MCMDC2: variants seen among roughly 807,000 people sequenced by gnomAD.
MCMDC2 encodes the protein minichromosome maintenance domain containing 2, also known as minichromosome maintenance domain-containing protein 2.
A neutral mutation model predicts 75.8 loss-of-function variants in MCMDC2; 54 were observed. The ratio of observed to expected loss-of-function variants is 0.71; its 90% confidence interval spans 0.57 to 0.89. The LOEUF (loss-of-function observed/expected upper bound fraction) is 0.89, where lower values mean the gene tolerates loss of function less well. Ranked by LOEUF, MCMDC2 falls within the 40% of genes least tolerant of loss-of-function variation. MCMDC2 has a pLI of 0.00. For missense variants in MCMDC2, 656 were observed against 780.4 expected, an observed-to-expected ratio of 0.84 and a Z score of 1.90; for synonymous variants, 249 against 274.6, an observed-to-expected ratio of 0.91 and a Z score of 0.92.
At position 66,920,909 on chromosome 8, in the gene MCMDC2, T is replaced by G. The variant is rs1194305823; in HGVS notation, c.*1740T>G. ...GCTGGTCTCAAGTCATCCTCCCATC[T>G]CAGTACCTCAGCTTCCCAGTGTTGG... On this transcript the variant is annotated 3_prime_UTR_variant, in exon 15 of 15. Coordinates refer to ENST00000422365, the MANE Select transcript of MCMDC2 (RefSeq NM_173518.5). 1 of 152,122 alleles carries G rather than the reference T, an allele frequency of 6.6e-6. No homozygotes were observed. Among genetic ancestry groups the G allele is most frequent in the Non-Finnish European group, 1.5e-5 (1 of 68,044 alleles). The allele number at this position is 152,122 out of a possible 1,614,324, so 9.4% of individuals were successfully genotyped here.
At chr8:66,922,283 C>A (rs1813573717), downstream of MCMDC2, 1 of 275,566 alleles carries the variant, frequency 3.6e-6, no homozygotes, top group Non-Finnish European at 7.3e-6. Flanking sequence ...CAGATACTTT[C>A]TGAACTGTCA....
chr8:66,895,071 C>T (rs545208519), intron 10 of MCMDC2, among the ~76,000 whole-genome samples: 1 of 152,254 alleles, frequency 6.6e-6, no homozygotes, highest in African/African-American at 2.4e-5. Context: ...TGCTCAAGTC[C>T]CTTATATAAA....
intron 10 of MCMDC2, among the ~76,000 whole-genome samples, chr8:66,894,857 TCAC>T (rs958130444): frequency 2.6e-5 from 4 of 152,216 alleles, no homozygotes; most frequent in African/African-American, 7.2e-5. Context: ...AATATTTTCA[TCAC>T]CCCAAAAGGA....
chr8:66,918,305 A>G (rs1813395506), intron 14 of MCMDC2, among the ~76,000 whole-genome samples: 1 of 152,134 alleles, frequency 6.6e-6, no homozygotes, highest in South Asian at 2.1e-4. Context: ...ATTTTCTCCC[A>G]TTCCATAGGT....
At chr8:66,925,775 T>C (rs956678097), downstream of MCMDC2, among the ~76,000 whole-genome samples, 2 of 152,220 alleles carry the variant, frequency 1.3e-5, no homozygotes, top group East Asian at 3.9e-4. Context: ...GCAGGGGCTT[T>C]TCAGGCTCAG....
At chr8:66,896,012 C>T (rs977112130) in intron 10 of MCMDC2, among the ~76,000 whole-genome samples, 158 bp from the exon 11 acceptor site, 6 of 152,144 alleles carry the variant, frequency 3.9e-5, no homozygotes, top group Non-Finnish European at 2.9e-5. Context: ...TTTTTTATGG[C>T]AGAACTTAGA....
At chr8:66,905,404 T>A in intron 14 of MCMDC2, 69 bp downstream of exon 14, 3 of 1,197,774 alleles carry the variant, frequency 2.5e-6, no homozygotes, top group South Asian at 2.6e-5. Flanking sequence ...CTTAGTTGGT[T>A]AAATTAAAAT....
chr8:66,900,522 T>C (rs1370652858), intron 12 of MCMDC2, among the ~76,000 whole-genome samples: 1 of 152,000 alleles, frequency 6.6e-6, no homozygotes, highest in African/African-American at 2.4e-5. Context: ...AAAAAAACAG[T>C]AACCTTATTA....
At position 66,874,313 on chromosome 8, in the gene MCMDC2, T is replaced by C; in HGVS notation, c.95-13T>C. The stretch of plus-strand genomic sequence containing the variant: ...ATAGCTATCCTGACTTTTACATTTG[T>C]ATATTTTCATAGATTCAAAACAAAG... On this transcript the variant is annotated splice_polypyrimidine_tract_variant and intron_variant, in intron 2 of 14. Transcript: ENST00000422365. 6.2e-7 allele frequency: 1 copy of C among 1,607,172 alleles called. No homozygotes were observed. Among genetic ancestry groups the C allele is most frequent in the Admixed American group, 1.7e-5 (1 of 58,392 alleles).
chr8:66,879,008 C>A lies in MCMDC2; in HGVS notation c.709+89C>A, dbSNP rs371976375. The A allele has an allele frequency of 1.9e-4, 149 of 788,880 alleles. 1 individual carries two copies. The East Asian group carries it at 3.8e-3, about 20-fold the overall frequency. The allele number at this position is 788,880 out of a possible 1,614,324, so 48.9% of individuals were successfully genotyped here. On this transcript the variant is annotated intron_variant, in intron 7 of 14. Coordinates refer to ENST00000422365, the MANE Select transcript of MCMDC2 (RefSeq NM_173518.5). Reference sequence around the variant, plus strand: ...GGCTGGCTCATGCCTGTAATCCCAACACTTTTGGAGGCTGAGGTGGGAGGA... The same window carrying A: ...GGCTGGCTCATGCCTGTAATCCCAAAACTTTTGGAGGCTGAGGTGGGAGGA...
Position 66,905,217 on chromosome 8 carries a change from CT to C in MCMDC2, c.1770-3del. 2.1e-6 allele frequency: 3 copies of C among 1,396,900 alleles called. No homozygotes were observed. Among genetic ancestry groups the C allele is most frequent in the Admixed American group, 3.3e-5 (1 of 30,738 alleles). The allele number at this position is 1,396,900 out of a possible 1,614,324, so 86.5% of individuals were successfully genotyped here. The stretch of plus-strand genomic sequence containing the variant: ...ACATATTTTCTTTGGCAACTATTTT[CT>C]TTTTTAGCGTTTTCCTATCTGAAGC... On this transcript the variant is annotated splice_region_variant and splice_polypyrimidine_tract_variant and intron_variant, in intron 13 of 14. Coordinates refer to ENST00000422365, the MANE Select transcript of MCMDC2 (RefSeq NM_173518.5).
intron 13 of MCMDC2, among the ~76,000 whole-genome samples, chr8:66,902,707 A>ATAT (rs1341891622): frequency 1.2e-3 from 142 of 120,888 alleles, no homozygotes; most frequent in Non-Finnish European, 1.8e-3. Context: ...AAAAAAAAAA[A>ATAT]AAAAATATAT....
chr8:66,910,307 G>C (rs999034113), intron 14 of MCMDC2, among the ~76,000 whole-genome samples: 1 of 152,186 alleles, frequency 6.6e-6, no homozygotes, highest in Non-Finnish European at 1.5e-5. Context: ...CTGTCCTCCA[G>C]ACCCCAGAAT....
intron 9 of MCMDC2, 57 bp downstream of exon 9, chr8:66,884,051 C>A: frequency 9.4e-7 from 1 of 1,066,458 alleles, no homozygotes; most frequent in Non-Finnish European, 1.4e-6. Context: ...TTGCATACAT[C>A]CTTTCCATGA....
At chr8:66,892,262 A>G (rs929533675) in intron 10 of MCMDC2, among the ~76,000 whole-genome samples, 2 of 152,226 alleles carry the variant, frequency 1.3e-5, no homozygotes, top group Non-Finnish European at 2.9e-5. Context: ...CCTGCAGTCC[A>G]GCAAACAAGA....
chr8:66,889,762 C>T (rs185379784), intron 9 of MCMDC2, among the ~76,000 whole-genome samples: 1 of 152,266 alleles, frequency 6.6e-6, no homozygotes, highest in East Asian at 1.9e-4. Context: ...CTCCATTGCA[C>T]TCCAGCCTAG....
chr8:66,888,466 A>G (rs1236162728), intron 9 of MCMDC2, among the ~76,000 whole-genome samples: 1 of 152,232 alleles, frequency 6.6e-6, no homozygotes, highest in Non-Finnish European at 1.5e-5. Flanking sequence ...AATTTTGGGC[A>G]GAATTAACAT....
At position 66,915,329 on chromosome 8, in the gene MCMDC2, G is replaced by A. The variant is rs574330942; in HGVS notation, c.1880-3674G>A. The stretch of plus-strand genomic sequence containing the variant: ...TAGTTGGGCGTAGTGGCGCGCGTCT[G>A]TAATCCCAACTACTCGGGAGCCTGA... On this transcript the variant is annotated intron_variant, in intron 14 of 14. Coordinates refer to ENST00000422365, the MANE Select transcript of MCMDC2 (RefSeq NM_173518.5). Among the ~76,000 whole-genome samples the A allele has an allele frequency of 1.6e-4, 25 of 151,946 alleles. 1 individual carries two copies. In the East Asian group the frequency reaches 4.8e-3, roughly 29 times the overall value.
chr8:66,912,883 G>A (rs946728876), intron 14 of MCMDC2, among the ~76,000 whole-genome samples: 4 of 151,642 alleles, frequency 2.6e-5, no homozygotes, highest in African/African-American at 7.3e-5. Context: ...GTATACCTAT[G>A]TTACAAACCT....
Sources: allele counts gnomAD v4.1 joint callset (sites outside exome capture counted in the v4.1 genomes callset), GRCh38; gene constraint gnomAD v4.1.1; transcripts MANE v1.5; gene names NCBI Gene and HGNC (gene_info 2026-07-23, HGNC 2026-07-21).